The following DNAH5 variants were observed in gnomAD, a reference collection of about 807,000 sequenced individuals.
DNAH5 encodes the protein dynein axonemal heavy chain 5.
Under a neutral mutation model 518.2 loss-of-function variants are expected in DNAH5, and 372 were observed. The observed-to-expected ratio is 0.72, with a 90% confidence interval of 0.66 to 0.78. The LOEUF (loss-of-function observed/expected upper bound fraction) is 0.78. DNAH5 is among the 30% of genes least tolerant of loss of function. The pLI is 0.00. For missense variants in DNAH5, 5,523 were observed against 5,687.0 expected, an observed-to-expected ratio of 0.97 and a Z score of 0.93; for synonymous variants, 2,039 against 2,025.9, an observed-to-expected ratio of 1.01 and a Z score of -0.17.
intron 38 of DNAH5, among the ~76,000 whole-genome samples, chr5:13,829,242 G>A (rs987137587): frequency 5.9e-5 from 9 of 152,134 alleles, no homozygotes; most frequent in Non-Finnish European, 1.3e-4. Context: ...GGTATAAACA[G>A]CCAATGTTAA....
chr5:13,710,390 A>G (rs1218581075), intron 75 of DNAH5, among the ~76,000 whole-genome samples: 1 of 152,212 alleles, frequency 6.6e-6, no homozygotes, highest in Non-Finnish European at 1.5e-5. Context: ...CTCTGGTAAT[A>G]TGACAAAAAT....
At chr5:13,927,570 A>G (rs546443724) in intron 3 of DNAH5, among the ~76,000 whole-genome samples, 9 of 152,190 alleles carry the variant, frequency 5.9e-5, no homozygotes, top group Non-Finnish European at 2.9e-5. Context: ...CATAAATGAG[A>G]ATGATGAAAC....
upstream of DNAH5, among the ~76,000 whole-genome samples, chr5:13,945,663 T>C (rs1288991378): frequency 6.6e-6 from 1 of 152,092 alleles, no homozygotes; most frequent in African/African-American, 2.4e-5. Context: ...TGGAGTGCAG[T>C]TGCGTGACCA....
chr5:13,889,891 T>A (rs1009407730), intron 17 of DNAH5, among the ~76,000 whole-genome samples: 1 of 152,094 alleles, frequency 6.6e-6, no homozygotes, highest in Non-Finnish European at 1.5e-5. Context: ...GTTCCGTGAG[T>A]CCTCCTAGTG....
At position 13,917,191 on chromosome 5, in the gene DNAH5, G is replaced by T. The variant is rs2151986754; in HGVS notation, c.1041C>A (p.Tyr347Ter). 1 of 1,613,960 alleles carries T rather than the reference G, an allele frequency of 6.2e-7. No homozygotes were observed. The highest frequency in any genetic ancestry group is 2.2e-5 in the East Asian group (1 of 44,842). Residue 347 changes from tyrosine (Y) to a stop codon, truncating the protein, a stop_gained, in exon 8 of 79, where the codon TAC becomes TAA. Coordinates refer to ENST00000265104, the MANE Select transcript of DNAH5 (RefSeq NM_001369.3). LOFTEE classifies it high-confidence loss of function. ...CACAACATTTTTCAAGTGTATACAAGTATTTCACATTGTCCTTTGCTTCAT... is the reference window on the plus strand; with the variant it reads ...CACAACATTTTTCAAGTGTATACAATTATTTCACATTGTCCTTTGCTTCAT... The part of the protein sequence containing the change: ...ATNEAKDNVK[Y>*]LYTLEKCCDP...
At chr5:13,725,301 T>TA (rs1745571185) in intron 70 of DNAH5, among the ~76,000 whole-genome samples, 1 of 152,214 alleles carries the variant, frequency 6.6e-6, no homozygotes, top group South Asian at 2.1e-4. Flanking sequence ...GAGTGGGATT[T>TA]ACTGAGGCAA....
chr5:13,900,303 G>A lies in DNAH5; in HGVS notation c.2162C>T (p.Thr721Ile). ...DPQILILFRE[T>I]ECMAQMGLEV... ...CAGACCCATCTGGGCCATGCACTCT[G>A]TTTCTCTAAATAAGATTAATATCTG... Residue 721 changes from threonine (T) to isoleucine (I), a missense_variant, in exon 15 of 79, where the codon ACA becomes ATA. Around this residue, in one of 3 missense-constraint regions of DNAH5, gnomAD observed 5,121 missense variants for 5,223.3 expected, o/e 0.98. Transcript: ENST00000265104. 6.2e-7 allele frequency: 1 copy of A among 1,614,120 alleles called. No individual in the cohort carries two copies.
At chr5:13,830,850 A>T in intron 35 of DNAH5, 75 bp from the exon 36 acceptor site, 1 of 1,448,930 alleles carries the variant, frequency 6.9e-7, no homozygotes, top group South Asian at 1.1e-5. Flanking sequence ...CAGTGGCATG[A>T]AACGCACACA....
At chr5:13,953,457 A>G (rs1780563117) in intron 1 of DNAH5, among the ~76,000 whole-genome samples, 1 of 152,208 alleles carries the variant, frequency 6.6e-6, no homozygotes, top group Non-Finnish European at 1.5e-5. Flanking sequence ...GGGTTCAAAC[A>G]TTCAAATGAA....
intron 55 of DNAH5, among the ~76,000 whole-genome samples, chr5:13,774,431 C>A (rs1225178110): frequency 1.3e-5 from 2 of 152,024 alleles, no homozygotes; most frequent in Non-Finnish European, 2.9e-5. Context: ...ACCAGGCAGG[C>A]AGTTGAGTAC....
intron 53 of DNAH5, among the ~76,000 whole-genome samples, chr5:13,779,039 T>C (rs1015065613): frequency 6.6e-6 from 1 of 152,202 alleles, no homozygotes; most frequent in Non-Finnish European, 1.5e-5. Context: ...GGGCAAGCCA[T>C]AGCCTCTCTG....
At chr5:13,724,845 C>T (rs1313823482) in intron 70 of DNAH5, among the ~76,000 whole-genome samples, 2 of 152,238 alleles carry the variant, frequency 1.3e-5, no homozygotes, top group Admixed American at 1.3e-4. Context: ...TGAAAGTTTC[C>T]TGAAGCCTCA....
At chr5:13,862,443 G>T (rs1482334525) in intron 29 of DNAH5, 105 bp downstream of exon 29, 6 of 1,104,196 alleles carry the variant, frequency 5.4e-6, no homozygotes, top group Non-Finnish European at 8.1e-6. Flanking sequence ...TTTCAACATT[G>T]AGTAAACTAT....
intron 1 of DNAH5, among the ~76,000 whole-genome samples, chr5:13,996,035 A>C (rs1384340487): frequency 1.3e-5 from 2 of 152,206 alleles, no homozygotes; most frequent in Non-Finnish European, 2.9e-5. Flanking sequence ...GTATCACTGC[A>C]TTATCAGAAA....
chr5:13,841,941 A>G (rs778370760), intron 32 of DNAH5, 37 bp from the exon 33 acceptor site: 4 of 1,037,568 alleles, frequency 3.9e-6, no homozygotes, highest in Non-Finnish European at 5.8e-6. Context: ...AAAAAAAGCT[A>G]TAGTCATATA....
chr5:13,879,671 T>G (rs1771367637), intron 21 of DNAH5, among the ~76,000 whole-genome samples: 1 of 150,196 alleles, frequency 6.7e-6, no homozygotes, highest in Non-Finnish European at 1.5e-5. Context: ...ACACAAAAAT[T>G]TAATAGTTTC....
chr5:13,904,525 T>C (rs968919501), intron 12 of DNAH5, among the ~76,000 whole-genome samples: 3 of 150,456 alleles, frequency 2.0e-5, no homozygotes, highest in African/African-American at 2.5e-5. Context: ...ATGGATTCTA[T>C]GTATGTGGAT....
intron 39 of DNAH5, 136 bp downstream of exon 39, chr5:13,824,063 G>A (rs1254589361): frequency 5.5e-6 from 5 of 915,458 alleles, no homozygotes; most frequent in Admixed American, 3.7e-5. Flanking sequence ...AATTTAAAGT[G>A]ATGCTCTCCA....
At chr5:13,830,365 C>T in intron 36 of DNAH5, 152 bp from the exon 37 acceptor site, 1 of 904,844 alleles carries the variant, frequency 1.1e-6, no homozygotes, top group Non-Finnish European at 1.7e-6. Flanking sequence ...TGACCCAAAA[C>T]AGCTTACAAT....
Sources: gnomAD v4.1 joint callset for allele counts (sites outside exome capture counted in the v4.1 genomes callset) on GRCh38, gnomAD v4.1.1 for gene constraint, gnomAD v4.1.1 regional missense constraint, MANE v1.5 for transcripts, NCBI Gene and HGNC (gene_info 2026-07-23, HGNC 2026-07-21) for gene names.